Variants in LAMA2 observed in about 807,000 individuals in gnomAD.
The protein encoded by LAMA2 is laminin subunit alpha 2.
Under a neutral mutation model 364.8 loss-of-function variants are expected in LAMA2, and 269 were observed. The observed-to-expected ratio is 0.74, with a 90% CI of 0.67 to 0.82. The LOEUF is 0.82. LAMA2 is among the 40% of genes least tolerant of loss of function. The pLI is 0.00. For missense variants in LAMA2, 3,807 were observed against 3,873.2 expected (o/e 0.98, Z 0.45); for synonymous variants, 1,379 against 1,370.6 (o/e 1.01, Z -0.14).
intron 4 of LAMA2, among the ~76,000 whole-genome samples, chr6:129,127,098 T>C (rs934938106): frequency 6.6e-6 from 1 of 152,204 alleles, no homozygotes; most frequent in African/African-American, 2.4e-5. Flanking sequence ...GATATGATAA[T>C]TTAGAATATG....
intron 58 of LAMA2, among the ~76,000 whole-genome samples, chr6:129,495,857 TC>T (rs1785151492): frequency 6.6e-6 from 1 of 152,168 alleles, no homozygotes; most frequent in African/African-American, 2.4e-5. Context: ...AACCTTCTGT[TC>T]TAATTTCGAT....
chr6:128,943,125 T>C (rs994185851), intron 1 of LAMA2, among the ~76,000 whole-genome samples: 9 of 152,356 alleles, frequency 5.9e-5, no homozygotes, highest in Non-Finnish European at 1.0e-4. Flanking sequence ...TTCTACTTTT[T>C]GGAATTAACA....
intron 3 of LAMA2, among the ~76,000 whole-genome samples, chr6:129,089,414 C>T (rs753714249): frequency 1.2e-4 from 19 of 152,338 alleles, no homozygotes; most frequent in Non-Finnish European, 2.1e-4. Context: ...AAAGGCAATG[C>T]CAGGTATTTC....
intron 1 of LAMA2, among the ~76,000 whole-genome samples, chr6:128,919,262 T>A (rs1778544119): frequency 6.6e-6 from 1 of 152,252 alleles, no homozygotes; most frequent in Admixed American, 6.5e-5. Context: ...CCATATACAA[T>A]CAACTGTTCT....
At chr6:129,196,831 G>A (rs927060399) in intron 12 of LAMA2, among the ~76,000 whole-genome samples, 79 of 152,256 alleles carry the variant, frequency 5.2e-4, no homozygotes, top group African/African-American at 1.8e-3. Context: ...CAGGAAGAAG[G>A]TTTGCTGCCT....
intron 12 of LAMA2, among the ~76,000 whole-genome samples, chr6:129,221,070 G>A (rs972307790): frequency 1.3e-5 from 2 of 151,652 alleles, no homozygotes; most frequent in African/African-American, 2.4e-5. Flanking sequence ...GCTGAGGCAG[G>A]AGAATCGCTT....
intron 1 of LAMA2, among the ~76,000 whole-genome samples, chr6:128,938,571 C>A (rs1005851079): frequency 3.3e-5 from 5 of 152,152 alleles, no homozygotes; most frequent in Non-Finnish European, 7.4e-5. Flanking sequence ...TCTGTCTCCC[C>A]TGTTGACTAT....
In LAMA2 at chr6:129,369,946, A is replaced by G. The variant is rs1777979765; in HGVS notation, c.4915A>G (p.Asn1639Asp). The G allele has an allele frequency of 1.2e-6, 2 of 1,614,016 alleles. No individual in the cohort carries two copies. The highest frequency in any genetic ancestry group is 1.7e-6 in the Non-Finnish European group (2 of 1,179,998). ...PERLIQLAEG[N>D]LNTLVTEMNE... ...GAGGCTTATTCAGCTGGCAGAGGGC[A>G]ATCTGAATACACTCGTGACCGAAAT... Residue 1639 changes from asparagine (N) to aspartate (D), a missense_variant, in exon 34 of 65, where the codon AAT becomes GAT. Around this residue, in one of 3 missense-constraint regions of LAMA2, gnomAD observed 3,333 missense variants for 3,345.7 expected, o/e 1.00. Coordinates refer to ENST00000421865, the MANE Select transcript of LAMA2 (RefSeq NM_000426.4).
At chr6:129,182,056 A>G (rs1562307698) in intron 10 of LAMA2, among the ~76,000 whole-genome samples, 3 of 151,902 alleles carry the variant, frequency 2.0e-5, no homozygotes, top group Admixed American at 2.0e-4. Flanking sequence ...AGAAGAATCA[A>G]TCTATAAAAA....
At chr6:129,031,438 G>A (rs1010018832) in intron 1 of LAMA2, among the ~76,000 whole-genome samples, 2 of 152,118 alleles carry the variant, frequency 1.3e-5, no homozygotes, top group Non-Finnish European at 2.9e-5. Context: ...GCATCAGTTA[G>A]TCAATCAAAC....
chr6:129,011,297 C>T (rs1352934031), intron 1 of LAMA2, among the ~76,000 whole-genome samples: 3 of 152,138 alleles, frequency 2.0e-5, no homozygotes, highest in Non-Finnish European at 4.4e-5. Context: ...TGAAATTAAC[C>T]ACATACATCA....
chr6:129,013,249 C>T (rs564070074), intron 1 of LAMA2, among the ~76,000 whole-genome samples: 1 of 152,150 alleles, frequency 6.6e-6, no homozygotes, highest in South Asian at 2.1e-4. Flanking sequence ...TCCTGGCTAC[C>T]ACGGTGAAAC....
chr6:128,943,656 GC>G (rs1780315693), intron 1 of LAMA2, among the ~76,000 whole-genome samples: 1 of 152,072 alleles, frequency 6.6e-6, no homozygotes, highest in Non-Finnish European at 1.5e-5. Context: ...TTTTCCGTTT[GC>G]TAACTTATCA....
intron 1 of LAMA2, among the ~76,000 whole-genome samples, chr6:128,979,413 T>A (rs964118992): frequency 1.3e-4 from 19 of 151,850 alleles, no homozygotes; most frequent in Admixed American, 1.0e-3. Flanking sequence ...AAAAAAAAAA[T>A]ATGGACTGCT....
chr6:129,348,800 A>G (rs926481909), intron 30 of LAMA2, among the ~76,000 whole-genome samples: 2 of 152,224 alleles, frequency 1.3e-5, no homozygotes, highest in African/African-American at 4.8e-5. Context: ...ATTTTATTCC[A>G]AGTGAAACAT....
chr6:129,083,972 C>G (rs1166890926), intron 3 of LAMA2, among the ~76,000 whole-genome samples: 1 of 152,138 alleles, frequency 6.6e-6, no homozygotes, highest in Non-Finnish European at 1.5e-5. Flanking sequence ...AACTGCACCG[C>G]AGGTGTATTG....
intron 35 of LAMA2, among the ~76,000 whole-genome samples, chr6:129,388,697 A>G (rs12529278): frequency 0.23 from 35,058 of 152,138 alleles, 4,247 homozygotes; most frequent in South Asian, 0.29. Context: ...ACACGCGCGC[A>G]CACACACATA....
At chr6:129,253,965 T>G (rs565474512) in intron 14 of LAMA2, among the ~76,000 whole-genome samples, 23 of 152,320 alleles carry the variant, frequency 1.5e-4, no homozygotes, top group African/African-American at 5.5e-4. Flanking sequence ...AATGTCAAAT[T>G]TGAAACTCCT....
chr6:129,379,564 G>C (rs1310913860), intron 34 of LAMA2, among the ~76,000 whole-genome samples: 1 of 151,988 alleles, frequency 6.6e-6, no homozygotes, highest in Non-Finnish European at 1.5e-5. Flanking sequence ...TTAGAGGGAA[G>C]GTATCTCCTT....
Sources: allele counts gnomAD v4.1 joint callset (sites outside exome capture counted in the v4.1 genomes callset), GRCh38; gene constraint gnomAD v4.1.1; regional missense constraint gnomAD v4.1.1; transcripts MANE v1.5; gene names NCBI Gene and HGNC (gene_info 2026-07-23, HGNC 2026-07-21).